Variants in INTS10 observed in about 807,000 individuals in gnomAD.
INTS10 encodes chromosome 8 open reading frame 35.
INTS10 carries 44 observed loss-of-function variants against 94.4 expected under a neutral mutation model. That is an observed-to-expected ratio of 0.47 (90% confidence interval 0.37 to 0.60). The LOEUF is 0.60. Ranked by LOEUF, INTS10 falls within the 20% of genes least tolerant of loss-of-function variation. The probability of loss-of-function intolerance (pLI) is 0.00; values close to 1 mark genes in which losing one functional copy is unlikely to be tolerated. For synonymous variants in INTS10, 341 were observed against 320.7 expected (o/e 1.06, Z -0.68); for missense variants, 797 against 868.7 (o/e 0.92, Z 1.04).
At chr8:19,822,368 C>T (rs2066446263) in intron 4 of INTS10, 71 bp from the exon 5 acceptor site, 8 of 791,452 alleles carry the variant, frequency 1.0e-5, no homozygotes, top group South Asian at 1.7e-5. Flanking sequence ...AAAAAAATAC[C>T]CCATTACTTC....
At chr8:19,838,378 CAAGA>C (rs766607956) in intron 13 of INTS10, among the ~76,000 whole-genome samples, 62 of 151,848 alleles carry the variant, frequency 4.1e-4, no homozygotes, top group Admixed American at 7.9e-4. Context: ...TCAGAATGTT[CAAGA>C]AAGAAAGAAA....
chr8:19,823,913 T>C lies in INTS10; in HGVS notation c.705T>C (p.Arg235=), dbSNP rs1218841125. Residue 235 remains arginine (R), a synonymous_variant, in exon 7 of 17, where the codon CGT becomes CGC. Transcript: ENST00000397977. ...DTSDLMSPSK[R]SSQKYIIEGL... Reference sequence around the variant, plus strand: ...CTGATTTAATGTCACCTAGCAAACGTAGCTCTCAGAAGTACATAATAGAAG... The same window carrying C: ...CTGATTTAATGTCACCTAGCAAACGCAGCTCTCAGAAGTACATAATAGAAG... The C allele has an allele frequency of 3.1e-6, 5 of 1,612,086 alleles. No individual in the cohort carries two copies. The highest frequency in any genetic ancestry group is 4.2e-6 in the Non-Finnish European group (5 of 1,179,404).
At position 19,842,987 on chromosome 8, in the gene INTS10, T is replaced by C. The variant is rs2068257873; in HGVS notation, c.1719+60T>C. 4 of 1,178,146 alleles carry C rather than the reference T, an allele frequency of 3.4e-6. No homozygotes were observed. The Admixed American group carries it at 6.8e-5, about 20-fold the overall frequency. 73.0% of individuals were successfully genotyped at this position (1,178,146 alleles called of 1,614,324 possible). ...TAATTTCAAATATTATTCTCATGAC[T>C]CGAGAACTTGAGAACCTTGCTAAGG... On this transcript the variant is annotated intron_variant, in intron 14 of 16. Coordinates refer to ENST00000397977, the MANE Select transcript of INTS10 (RefSeq NM_018142.4).
In INTS10 at chr8:19,842,829, C is replaced by G. The variant is rs370194565; in HGVS notation, c.1640-19C>G. On this transcript the variant is annotated intron_variant, in intron 13 of 16. Transcript: ENST00000397977. ...TTGATAATAACATACATTAACCTAA[C>G]ATTGTGGACTTCTGTTAGGTTCGGA... The G allele has an allele frequency of 1.9e-4, 296 of 1,570,450 alleles. No individual in the cohort carries two copies. The highest frequency in any genetic ancestry group is 1.7e-3 in the Middle Eastern group (10 of 5,990).
chr8:19,824,573 A>G (rs2066644975), intron 7 of INTS10: 3 of 456,868 alleles, frequency 6.6e-6, no homozygotes, highest in African/African-American at 6.1e-5. Flanking sequence ...AACGTCTCCT[A>G]GATACTTCAG....
chr8:19,829,965 G>A (rs1373992490), intron 9 of INTS10, among the ~76,000 whole-genome samples: 1 of 152,126 alleles, frequency 6.6e-6, no homozygotes, highest in African/African-American at 2.4e-5. Flanking sequence ...GCCACGCCCG[G>A]CCCCAGGCTT....
Position 19,849,228 on chromosome 8 carries a change from G to T in INTS10, c.1977-2421G>T, listed in dbSNP as rs1399165088. The T allele has an allele frequency of 7.8e-7, 1 of 1,289,100 alleles. No individual in the cohort carries two copies. The highest frequency in any genetic ancestry group is 1.0e-6 in the Non-Finnish European group (1 of 988,264). The allele number at this position is 1,289,100 out of a possible 1,614,324, so 79.9% of individuals were successfully genotyped here. ...TACCTGTGCTTCAGCCCAGCATACA[G>T]ACTGCTGACAGGTACCAAGTGGAAT... is the stretch of plus-strand genomic sequence containing the variant. On this transcript the variant is annotated intron_variant, in intron 16 of 16. Coordinates refer to ENST00000397977, the MANE Select transcript of INTS10 (RefSeq NM_018142.4). The surrounding 1 kb of genome is among the most constrained non-coding windows in gnomAD (Gnocchi z 4.6).
chr8:19,819,346 T>C (rs943075721), intron 2 of INTS10, among the ~76,000 whole-genome samples: 1 of 152,240 alleles, frequency 6.6e-6, no homozygotes, highest in Non-Finnish European at 1.5e-5. Context: ...TTCTATGTTA[T>C]GGTTACTTGT....
intron 13 of INTS10, among the ~76,000 whole-genome samples, chr8:19,840,008 A>G (rs2067997244): frequency 7.3e-6 from 1 of 136,254 alleles, no homozygotes; most frequent in Non-Finnish European, 1.5e-5. Flanking sequence ...GGTTTCATTG[A>G]GCCAAGATTG....
chr8:19,817,732 C>T, intron 1 of INTS10, 66 bp downstream of exon 1: 1 of 1,545,700 alleles, frequency 6.5e-7, no homozygotes, highest in Non-Finnish European at 8.7e-7. Flanking sequence ...CCCGGGCTGC[C>T]CTGGCCCAGA....
chr8:19,826,455 G>C lies in INTS10; in HGVS notation c.1036G>C (p.Val346Leu). ...GPNAPSQVPL[V>L]LLEDVSNVYG... ...TAATGCCCCGAGCCAAGTTCCACTG[G>C]TTCTTCTTGAAGATGTATCGAATGT... is the stretch of plus-strand genomic sequence containing the variant. Residue 346 changes from valine to leucine, a missense_variant, in exon 9 of 17, where the codon GTT becomes CTT. Val to Leu is a conservative substitution (Grantham distance 32, BLOSUM62 1). Coordinates refer to ENST00000397977, the MANE Select transcript of INTS10 (RefSeq NM_018142.4). The C allele has an allele frequency of 6.2e-7, 1 of 1,612,674 alleles. No homozygotes were observed. The highest frequency in any genetic ancestry group is 8.5e-7 in the Non-Finnish European group (1 of 1,179,564).
intron 2 of INTS10, 39 bp downstream of exon 2, chr8:19,818,381 T>A: frequency 6.3e-7 from 1 of 1,590,362 alleles, no homozygotes; most frequent in Non-Finnish European, 8.6e-7. Context: ...CTGCACTGAA[T>A]CTCTCCATGA....
Position 19,817,541 on chromosome 8 carries a change from T to A in INTS10, c.4T>A (p.Ser2Thr). Reference protein sequence around the residue: MSAQGDCEFLVQ... With the variant: MTAQGDCEFLVQ... The stretch of plus-strand genomic sequence containing the variant: ...GCGGCTGGAGAGCGCTCGGGTCATG[T>A]CTGCCCAGGGGGACTGCGAGTTCCT... Residue 2 changes from serine to threonine, a missense_variant, in exon 1 of 17, where the codon TCT becomes ACT. This residue lies in a region of INTS10 where 734 missense variants were observed against 787.8 expected (regional missense o/e 0.93). Coordinates refer to ENST00000397977, the MANE Select transcript of INTS10 (RefSeq NM_018142.4). 1.2e-6 allele frequency: 2 copies of A among 1,607,288 alleles called. No individual in the cohort carries two copies. Among genetic ancestry groups the A allele is most frequent in the Non-Finnish European group, 1.7e-6 (2 of 1,178,060 alleles).
chr8:19,844,919 T>C (rs181201018), intron 15 of INTS10, among the ~76,000 whole-genome samples: 6 of 151,976 alleles, frequency 3.9e-5, no homozygotes, highest in African/African-American at 1.2e-4. Context: ...TTTTTTAGAG[T>C]TGGGGTCTTG....
At chr8:19,842,146 G>A (rs906982663) in intron 13 of INTS10, among the ~76,000 whole-genome samples, 7 of 152,154 alleles carry the variant, frequency 4.6e-5, no homozygotes, top group African/African-American at 1.7e-4. Flanking sequence ...ATTTATCATT[G>A]TAATAGTGAA....
At chr8:19,823,773 C>T in intron 6 of INTS10, 100 bp from the exon 7 acceptor site, 4 of 1,064,836 alleles carry the variant, frequency 3.8e-6, no homozygotes, top group South Asian at 3.3e-5. Flanking sequence ...GAATTCTGTG[C>T]TCTGTGCATT....
rs997165937 is a variant in INTS10, at chr8:19,849,315, C to T, written c.1977-2334C>T. 3.2e-6 allele frequency: 2 copies of T among 621,220 alleles called. No individual in the cohort carries two copies. Among genetic ancestry groups the T allele is most frequent in the East Asian group, 7.5e-5 (1 of 13,314 alleles). 38.5% of individuals were successfully genotyped at this position (621,220 alleles called of 1,614,324 possible). On this transcript the variant is annotated intron_variant, in intron 16 of 16. Coordinates refer to ENST00000397977, the MANE Select transcript of INTS10 (RefSeq NM_018142.4). This position sits in a 1 kb window ranked among gnomAD's most constrained non-coding sequence, Gnocchi z 4.6. ...TCGCTGCCCATGGTTCTCAGCTCTT[C>T]GTTCCTCAGTGCTCTTTTTCATGCT...
chr8:19,837,506 T>C (rs1392393598), intron 13 of INTS10: 1 of 186,560 alleles, frequency 5.4e-6, no homozygotes, highest in Non-Finnish European at 1.1e-5. Context: ...CTTCCAAAGC[T>C]CTCTTCACTT....
chr8:19,841,267 C>T (rs965358487), intron 13 of INTS10, among the ~76,000 whole-genome samples: 1 of 152,006 alleles, frequency 6.6e-6, no homozygotes, highest in African/African-American at 2.4e-5. Context: ...GCAAAAACTC[C>T]AAAACTTCCA....
Sources: allele counts gnomAD v4.1 joint callset (sites outside exome capture counted in the v4.1 genomes callset), GRCh38; gene constraint gnomAD v4.1.1; regional missense constraint gnomAD v4.1.1; non-coding constraint Gnocchi (gnomAD v3.1); transcripts MANE v1.5; gene names NCBI Gene and HGNC (gene_info 2026-07-23, HGNC 2026-07-21).